VWA3B: variants seen among roughly 807,000 people sequenced by gnomAD.
VWA3B encodes von Willebrand factor A domain containing 3B.
VWA3B carries 138 observed loss-of-function variants against 158.3 expected under a neutral mutation model. The ratio of observed to expected loss-of-function variants is 0.87; its 90% CI spans 0.76 to 1.00. The LOEUF is 1.00. Among genes scored for constraint, VWA3B ranks in the 50% least tolerant of loss-of-function variants. The pLI is 0.00. For missense variants in VWA3B, 1,555 were observed against 1,565.1 expected (o/e 0.99, Z 0.11); for synonymous variants, 596 against 587.3 (o/e 1.01, Z -0.21).
intron 6 of VWA3B, among the ~76,000 whole-genome samples, chr2:98,130,892 T>C (rs1488269512): frequency 1.3e-5 from 2 of 152,254 alleles, no homozygotes; most frequent in Non-Finnish European, 2.9e-5. Flanking sequence ...GGATTTAGGA[T>C]GTGCATCACC....
chr2:98,173,002 A>G (rs1679720417), intron 8 of VWA3B, among the ~76,000 whole-genome samples: 2 of 152,228 alleles, frequency 1.3e-5, no homozygotes, highest in Non-Finnish European at 2.9e-5. Context: ...AGAGGTGAAC[A>G]TATCATCTGA....
intron 7 of VWA3B, among the ~76,000 whole-genome samples, chr2:98,157,201 A>G (rs866236024): frequency 4.6e-5 from 7 of 152,194 alleles, no homozygotes; most frequent in Non-Finnish European, 1.0e-4. Context: ...AATTGCTTCT[A>G]AGATAACATA....
chr2:98,265,555 A>G (rs1207935153), intron 21 of VWA3B, among the ~76,000 whole-genome samples: 1 of 151,738 alleles, frequency 6.6e-6, no homozygotes, highest in African/African-American at 2.4e-5. Flanking sequence ...TTGGGTATAT[A>G]CCCAGTAATG....
rs376906237 is a variant in VWA3B at position 98,287,421 on chromosome 2, C to G, written c.3046-3090C>G. ...ATGTTATTTCATTTTTCTAGTAATT[C>G]ATTTTAATATATTTTACAAGAACAT... On this transcript the variant is annotated intron_variant, in intron 22 of 27. Transcript: ENST00000477737. Among the ~76,000 whole-genome samples, 5 of 152,130 alleles carry G rather than the reference C, an allele frequency of 3.3e-5. No homozygotes were observed. In the South Asian group the frequency reaches 1.0e-3, roughly 32 times the overall value.
chr2:98,116,613 C>T (rs1674553859), intron 3 of VWA3B, among the ~76,000 whole-genome samples: 1 of 152,094 alleles, frequency 6.6e-6, no homozygotes, highest in African/African-American at 2.4e-5. Flanking sequence ...TCCGAGCGAT[C>T]CTCCCACCTC....
At chr2:98,178,316 C>T (rs1680187309) in intron 8 of VWA3B, among the ~76,000 whole-genome samples, 1 of 152,170 alleles carries the variant, frequency 6.6e-6, no homozygotes, top group African/African-American at 2.4e-5. Flanking sequence ...GTTCAAAATC[C>T]AGAACAAGCT....
At chr2:98,138,144 A>C (rs1676433398) in intron 7 of VWA3B, among the ~76,000 whole-genome samples, 2 of 152,180 alleles carry the variant, frequency 1.3e-5, no homozygotes, top group South Asian at 4.1e-4. Flanking sequence ...CCTCTGTCTG[A>C]ATGTCTGCCA....
intron 8 of VWA3B, among the ~76,000 whole-genome samples, chr2:98,168,672 A>G (rs1383334251): frequency 6.6e-6 from 1 of 152,202 alleles, no homozygotes; most frequent in Non-Finnish European, 1.5e-5. Flanking sequence ...ATGAAAACTT[A>G]AGAGAAGAAA....
chr2:98,293,833 G>C (rs188007599), intron 23 of VWA3B, among the ~76,000 whole-genome samples: 1 of 152,030 alleles, frequency 6.6e-6, no homozygotes, highest in African/African-American at 2.4e-5. Flanking sequence ...TTTGTTAATT[G>C]TCCCAATAAT....
At position 98,212,044 on chromosome 2, in the gene VWA3B, G is replaced by A. The variant is rs1355039918; in HGVS notation, c.1836+16G>A. ...ACCTGATCAGGTACTTACCAGAGCT[G>A]GGAACAAAGAGGGCCTCACTGATGC... On this transcript the variant is annotated intron_variant, in intron 13 of 27. Transcript: ENST00000477737. 2 of 1,611,556 alleles carry A rather than the reference G, an allele frequency of 1.2e-6. No individual in the cohort carries two copies. The highest frequency in any genetic ancestry group is 2.7e-5 in the African/African-American group (2 of 74,968).
At chr2:98,090,111 T>G (rs886700853) in intron 1 of VWA3B, among the ~76,000 whole-genome samples, 1 of 152,168 alleles carries the variant, frequency 6.6e-6, no homozygotes, top group African/African-American at 2.4e-5. Flanking sequence ...AAAAATTAAT[T>G]GGAAATGATG....
the VWA3B span, among the ~76,000 whole-genome samples, chr2:98,324,746 C>G: frequency 1.3e-5 from 2 of 152,012 alleles, no homozygotes; most frequent in Admixed American, 6.6e-5. Flanking sequence ...AAAATATAAG[C>G]CAATTAACCC....
At chr2:98,230,339 A>T in intron 16 of VWA3B, 132 bp downstream of exon 16, 1 of 921,994 alleles carries the variant, frequency 1.1e-6, no homozygotes, top group Non-Finnish European at 1.5e-6. Context: ...AATTTTTATT[A>T]AAATAATTGT....
chr2:98,211,887 T>A, intron 12 of VWA3B, 43 bp from the exon 13 acceptor site: 2 of 1,539,324 alleles, frequency 1.3e-6, no homozygotes, highest in Non-Finnish European at 1.8e-6. Context: ...GTGAATTCTT[T>A]TTTGGGATTC....
chr2:98,185,216 C>T (rs886641517), intron 9 of VWA3B, among the ~76,000 whole-genome samples: 1 of 152,058 alleles, frequency 6.6e-6, no homozygotes, highest in African/African-American at 2.4e-5. Context: ...TTCTCTTGCG[C>T]TATTCCCACC....
intron 22 of VWA3B, among the ~76,000 whole-genome samples, chr2:98,274,664 T>C (rs1280337708): frequency 6.6e-6 from 1 of 152,196 alleles, no homozygotes; most frequent in South Asian, 2.1e-4. Context: ...CAGGAACTTA[T>C]GCCTGTAGGA....
At chr2:98,205,630 A>G (rs889524724) in intron 12 of VWA3B, among the ~76,000 whole-genome samples, 7 of 152,038 alleles carry the variant, frequency 4.6e-5, no homozygotes, top group Non-Finnish European at 8.8e-5. Flanking sequence ...TAGTTTTGGC[A>G]TATTTTTATT....
intron 8 of VWA3B, among the ~76,000 whole-genome samples, chr2:98,177,030 A>G (rs1680070366): frequency 1.3e-5 from 2 of 152,192 alleles, no homozygotes; most frequent in Admixed American, 1.3e-4. Flanking sequence ...GAAGAGAGTT[A>G]TGGTGGTGAG....
At chr2:98,232,788 G>T (rs1685424723) in intron 16 of VWA3B, among the ~76,000 whole-genome samples, 1 of 151,648 alleles carries the variant, frequency 6.6e-6, no homozygotes, top group Non-Finnish European at 1.5e-5. Context: ...TGTTTTTATG[G>T]TGTTTCTGGG....
Sources: allele counts gnomAD v4.1 joint callset (sites outside exome capture counted in the v4.1 genomes callset), GRCh38; gene constraint gnomAD v4.1.1; transcripts MANE v1.5; gene names NCBI Gene and HGNC (gene_info 2026-07-23, HGNC 2026-07-21).